Variants in PCDH15 observed in about 807,000 individuals in gnomAD.
PCDH15 encodes the protein protocadherin-15.
In PCDH15, 129 loss-of-function variants were observed where a neutral mutation model predicts 178.5. The ratio of observed to expected loss-of-function variants is 0.72; its 90% CI spans 0.63 to 0.84. The LOEUF (loss-of-function observed/expected upper bound fraction) is 0.84. Among genes scored for constraint, PCDH15 ranks in the 40% least tolerant of loss-of-function variants. PCDH15 has a pLI of 0.00. For synonymous variants in PCDH15, 800 were observed against 732.0 expected, an observed-to-expected ratio of 1.09 and a Z score of -1.50; for missense variants, 2,230 against 2,099.9, an observed-to-expected ratio of 1.06 and a Z score of -1.21.
chr10:54,685,117 A>C (rs1213684391), intron 1 of PCDH15, among the ~76,000 whole-genome samples: 1 of 152,082 alleles, frequency 6.6e-6, no homozygotes, highest in Non-Finnish European at 1.5e-5. Flanking sequence ...CCGGGTCAAG[A>C]TAATCAATAT....
intron 1 of PCDH15, among the ~76,000 whole-genome samples, chr10:54,774,570 T>C (rs1401699790): frequency 6.6e-6 from 1 of 152,182 alleles, no homozygotes; most frequent in African/African-American, 2.4e-5. Flanking sequence ...CGTATTGTTA[T>C]ACATGCATAT....
intron 2 of PCDH15, among the ~76,000 whole-genome samples, chr10:55,490,036 A>G (rs1477582201): frequency 2.0e-5 from 3 of 151,730 alleles, no homozygotes; most frequent in African/African-American, 4.8e-5. Flanking sequence ...CCCAAAACAA[A>G]CAGAAAAAAA....
intron 21 of PCDH15, among the ~76,000 whole-genome samples, chr10:53,984,270 C>G (rs2090939705): frequency 1.3e-5 from 2 of 151,276 alleles, no homozygotes; most frequent in Non-Finnish European, 2.9e-5. Context: ...CTGCCTCAGC[C>G]TCCCAAGTAG....
At chr10:54,168,340 C>T (rs1249641199) in intron 13 of PCDH15, among the ~76,000 whole-genome samples, 8 of 152,176 alleles carry the variant, frequency 5.3e-5, no homozygotes, top group East Asian at 1.9e-4. Context: ...CTTTCCCTCC[C>T]GCCTGTCCCC....
intron 19 of PCDH15, among the ~76,000 whole-genome samples, chr10:54,022,331 T>C (rs556501438): frequency 3.3e-4 from 22 of 66,128 alleles, no homozygotes; most frequent in African/African-American, 1.2e-3. Flanking sequence ...CTTTTGTGTA[T>C]TGAATGTGAA....
chr10:55,572,938 T>C (rs1346655992), intron 2 of PCDH15, among the ~76,000 whole-genome samples: 4 of 151,908 alleles, frequency 2.6e-5, no homozygotes, highest in Admixed American at 1.3e-4. Context: ...CTCAGAGAGG[T>C]CACTAGAACA....
intron 3 of PCDH15, among the ~76,000 whole-genome samples, chr10:54,451,405 T>C (rs114834272): frequency 0.013 from 1,985 of 152,082 alleles, 38 homozygotes; most frequent in African/African-American, 0.045. Context: ...TGGATGAGTC[T>C]GAACAACAGA....
chr10:54,031,855 TA>T (rs2135426660), intron 18 of PCDH15, among the ~76,000 whole-genome samples: 1 of 152,200 alleles, frequency 6.6e-6, no homozygotes, highest in Non-Finnish European at 1.5e-5. Flanking sequence ...TCATGTTCAT[TA>T]AATGTATTTA....
At chr10:55,412,663 G>C (rs1467886655) in intron 2 of PCDH15, among the ~76,000 whole-genome samples, 1 of 151,894 alleles carries the variant, frequency 6.6e-6, no homozygotes, top group Non-Finnish European at 1.5e-5. Context: ...AAGAACACTT[G>C]AGAGGTTAAC....
chr10:54,216,287 C>T (rs988258113), intron 9 of PCDH15, among the ~76,000 whole-genome samples: 1 of 151,530 alleles, frequency 6.6e-6, no homozygotes, highest in Non-Finnish European at 1.5e-5. Context: ...GAAAACCTGT[C>T]CCTACTAAAA....
intron 5 of PCDH15, among the ~76,000 whole-genome samples, chr10:54,357,110 A>G (rs971133210): frequency 6.6e-6 from 1 of 152,138 alleles, no homozygotes; most frequent in Admixed American, 6.6e-5. Flanking sequence ...CAAGACAGGG[A>G]TGCCCTCTCT....
At chr10:54,352,701 A>G (rs1944365523) in intron 5 of PCDH15, among the ~76,000 whole-genome samples, 1 of 152,136 alleles carries the variant, frequency 6.6e-6, no homozygotes, top group African/African-American at 2.4e-5. Context: ...AACACTACAC[A>G]TTTATTTTCC....
rs1461129944 is a variant in PCDH15, at chr10:53,806,858, A to G, written c.4944T>C (p.Asn1648=). ...CCTTTGATAATGTGTTCAGAGGTAC[A>G]TTCTCCTCATGTGTCACTGCCAACT... The part of the protein sequence containing the change: ...LDKLAVTHEE[N]VPLNTLSKGP... The change falls in exon 38 of 38, where the codon AAT becomes AAC. Residue 1648 remains asparagine (N), a synonymous_variant. Transcript: ENST00000644397. 1.5e-5 allele frequency: 25 copies of G among 1,613,682 alleles called. No homozygotes were observed. Among genetic ancestry groups the G allele is most frequent in the Non-Finnish European group, 2.1e-5 (25 of 1,179,830 alleles).
intron 3 of PCDH15, among the ~76,000 whole-genome samples, chr10:54,449,325 G>A (rs892531737): frequency 2.6e-5 from 4 of 151,726 alleles, no homozygotes; most frequent in South Asian, 2.1e-4. Context: ...ACTAGGGGCA[G>A]GGGTGGTGTA....
chr10:54,354,055 G>A (rs368504345), intron 5 of PCDH15, among the ~76,000 whole-genome samples: 2 of 151,974 alleles, frequency 1.3e-5, no homozygotes, highest in Non-Finnish European at 2.9e-5. Context: ...GCACAATCTC[G>A]GCTCACCGCA....
rs190701682 is a variant in PCDH15 at position 55,477,079 on chromosome 10, T to C, written c.-156+150546A>G. On this transcript the variant is annotated intron_variant, in intron 2 of 5. Transcript: ENST00000613346. ...TACCTTAATTATTTGTGTGTACTAGTATATTACCCACTGTTGGAATAGGAA... is the reference window on the plus strand; with the variant it reads ...TACCTTAATTATTTGTGTGTACTAGCATATTACCCACTGTTGGAATAGGAA... 9.2e-5 allele frequency among the ~76,000 whole-genome samples: 14 copies of C among 152,084 alleles called. No homozygotes were observed. The East Asian group carries it at 2.7e-3, about 29-fold the overall frequency.
intron 6 of PCDH15, among the ~76,000 whole-genome samples, chr10:54,332,150 A>G (rs1017431436): frequency 1.4e-5 from 2 of 147,058 alleles, no homozygotes; most frequent in African/African-American, 2.5e-5. Context: ...AAATCTTGAT[A>G]TTACCCCATC....
At chr10:54,274,756 A>T (rs939779043) in intron 8 of PCDH15, among the ~76,000 whole-genome samples, 1 of 151,698 alleles carries the variant, frequency 6.6e-6, no homozygotes, top group Non-Finnish European at 1.5e-5. Context: ...CAGATAAAGG[A>T]TTCTAATTCC....
At chr10:55,017,624 A>T (rs915416023) in intron 2 of PCDH15, among the ~76,000 whole-genome samples, 18 of 152,144 alleles carry the variant, frequency 1.2e-4, no homozygotes, top group African/African-American at 4.1e-4. Context: ...TCAAAAGTAG[A>T]ATATCCTCTA....
Sources: allele counts gnomAD v4.1 joint callset (sites outside exome capture counted in the v4.1 genomes callset), GRCh38; gene constraint gnomAD v4.1.1; transcripts MANE v1.5; gene names NCBI Gene and HGNC (gene_info 2026-07-23, HGNC 2026-07-21).